The following ARHGEF3 variants were observed in gnomAD, a reference collection of about 807,000 sequenced individuals.
ARHGEF3 encodes the protein 59.8 kDA protein.
Under a neutral mutation model 63.2 loss-of-function variants are expected in ARHGEF3, and 28 were observed. That is an observed-to-expected ratio of 0.44 (90% CI 0.33 to 0.61). The LOEUF is 0.61. ARHGEF3 is among the 20% of genes least tolerant of loss of function. ARHGEF3 has a pLI of 0.03. For synonymous variants in ARHGEF3, 266 were observed against 254.2 expected, an observed-to-expected ratio of 1.05 and a Z score of -0.44; for missense variants, 533 against 659.3, an observed-to-expected ratio of 0.81 and a Z score of 2.10.
At chr3:56,750,347 A>G (rs975315469) in intron 6 of ARHGEF3, among the ~76,000 whole-genome samples, 60 of 152,176 alleles carry the variant, frequency 3.9e-4, no homozygotes, top group African/African-American at 1.4e-3. Context: ...ACACAAATCC[A>G]GCCCCAGGAT....
chr3:56,846,284 G>T (rs2039488450), intron 4 of ARHGEF3, among the ~76,000 whole-genome samples: 1 of 152,186 alleles, frequency 6.6e-6, no homozygotes, highest in Non-Finnish European at 1.5e-5. Flanking sequence ...TGGTTGGCCA[G>T]AAATGTAGAA....
At chr3:56,968,273 TATAAA>T (rs1700736658) in intron 2 of ARHGEF3, among the ~76,000 whole-genome samples, 3 of 50,440 alleles carry the variant, frequency 5.9e-5, no homozygotes, top group East Asian at 7.2e-4. Context: ...ATATATAATA[TATAAA>T]ATATATATAA....
chr3:56,956,939 A>T (rs1700069828), intron 3 of ARHGEF3, among the ~76,000 whole-genome samples: 1 of 152,216 alleles, frequency 6.6e-6, no homozygotes, highest in South Asian at 2.1e-4. Flanking sequence ...AAATGCTACA[A>T]ACTCCACCAG....
intron 1 of ARHGEF3, among the ~76,000 whole-genome samples, chr3:56,784,087 G>C (rs886086962): frequency 6.6e-6 from 1 of 152,212 alleles, no homozygotes; most frequent in Admixed American, 6.5e-5. Context: ...GACCTTCAGA[G>C]AAAGAGGAAG....
intron 2 of ARHGEF3, among the ~76,000 whole-genome samples, chr3:56,772,146 C>T (rs1397353663): frequency 1.3e-5 from 2 of 152,142 alleles, no homozygotes; most frequent in Non-Finnish European, 2.9e-5. Context: ...ATCCAGCGGC[C>T]CAAGTGCTGA....
chr3:56,836,382 T>A (rs1379782787), intron 4 of ARHGEF3, among the ~76,000 whole-genome samples: 1 of 152,196 alleles, frequency 6.6e-6, no homozygotes, highest in Non-Finnish European at 1.5e-5. Context: ...ACAATTTAAA[T>A]TAAAAATTAG....
At chr3:56,752,985 C>T (rs532777485) in intron 4 of ARHGEF3, among the ~76,000 whole-genome samples, 2 of 152,218 alleles carry the variant, frequency 1.3e-5, no homozygotes, top group East Asian at 1.9e-4. Context: ...GCCACTGGAA[C>T]GAAAATGTTT....
chr3:56,953,985 A>ATATACAAGGTCTCAT (rs1488416070), intron 3 of ARHGEF3, among the ~76,000 whole-genome samples: 5 of 152,186 alleles, frequency 3.3e-5, no homozygotes, highest in Non-Finnish European at 7.4e-5. Flanking sequence ...GTCCTGACTA[A>ATATACAAGGTCTCAT]TATACAAGGT....
intron 1 of ARHGEF3, among the ~76,000 whole-genome samples, chr3:57,042,669 TATATATATATATA>T (rs1704243370): frequency 2.1e-4 from 3 of 14,288 alleles, no homozygotes; most frequent in African/African-American, 7.6e-4. Flanking sequence ...TATATATATA[TATATATATATATA>T]TATATATATA....
At chr3:56,756,917 C>T (rs571811501) in intron 2 of ARHGEF3, among the ~76,000 whole-genome samples, 41 of 152,252 alleles carry the variant, frequency 2.7e-4, no homozygotes, top group Middle Eastern at 3.4e-3. Context: ...AAGTCTTCAC[C>T]AACATTCTCC....
At chr3:57,042,797 G>A (rs1187944697) in intron 1 of ARHGEF3, among the ~76,000 whole-genome samples, 3 of 147,318 alleles carry the variant, frequency 2.0e-5, no homozygotes, top group African/African-American at 7.5e-5. Flanking sequence ...CCTGGGTTCA[G>A]GCCATTCTCC....
At chr3:57,006,079 G>C (rs1051864429) in intron 2 of ARHGEF3, among the ~76,000 whole-genome samples, 2 of 152,156 alleles carry the variant, frequency 1.3e-5, no homozygotes, top group African/African-American at 4.8e-5. Flanking sequence ...GCTATCCCTA[G>C]CACCTGGCAC....
At chr3:56,953,323 G>C (rs1699896130) in intron 3 of ARHGEF3, among the ~76,000 whole-genome samples, 2 of 152,210 alleles carry the variant, frequency 1.3e-5, no homozygotes, top group South Asian at 4.1e-4. Context: ...TGAGGTTTTG[G>C]CAACTTCCTT....
At chr3:56,775,168 G>T (rs2036225055) in intron 1 of ARHGEF3, 1 of 1,524,744 alleles carries the variant, frequency 6.6e-7, no homozygotes, top group South Asian at 1.2e-5. Context: ...TGCTTTCAAA[G>T]TTTCGAGGGT....
intron 3 of ARHGEF3, among the ~76,000 whole-genome samples, chr3:56,921,896 A>G (rs1268427413): frequency 6.6e-6 from 1 of 152,248 alleles, no homozygotes; most frequent in Non-Finnish European, 1.5e-5. Flanking sequence ...ATGCTGGAAC[A>G]TGGAAGTCTC....
intron 2 of ARHGEF3, among the ~76,000 whole-genome samples, chr3:56,985,619 A>G (rs959071513): frequency 3.9e-5 from 6 of 152,166 alleles, no homozygotes; most frequent in South Asian, 2.1e-4. Flanking sequence ...GCTATTTTGT[A>G]AAGACAGATA....
chr3:56,866,643 G>C (rs1287085224), intron 4 of ARHGEF3, among the ~76,000 whole-genome samples: 4 of 152,126 alleles, frequency 2.6e-5, no homozygotes, highest in Admixed American at 2.6e-4. Context: ...AAGATGTACT[G>C]GTACTCTGTC....
intron 1 of ARHGEF3, among the ~76,000 whole-genome samples, chr3:56,793,876 G>T (rs1421645586): frequency 6.6e-6 from 1 of 152,078 alleles, no homozygotes; most frequent in Non-Finnish European, 1.5e-5. Context: ...ATATATTAGT[G>T]TACTTCTCTT....
intron 1 of ARHGEF3, among the ~76,000 whole-genome samples, chr3:57,046,241 G>A (rs1704448801): frequency 6.6e-6 from 1 of 152,152 alleles, no homozygotes; most frequent in Non-Finnish European, 1.5e-5. Flanking sequence ...CCACATTTTC[G>A]AGAACGAAAT....
Sources: allele counts gnomAD v4.1 joint callset (sites outside exome capture counted in the v4.1 genomes callset), GRCh38; gene constraint gnomAD v4.1.1; transcripts MANE v1.5; gene names NCBI Gene and HGNC (gene_info 2026-07-23, HGNC 2026-07-21).